Variants in IMMP2L observed in about 807,000 individuals in gnomAD.
IMMP2L encodes the protein inner mitochondrial membrane peptidase subunit 2, also known as mitochondrial inner membrane protease subunit 2.
IMMP2L carries 18 observed loss-of-function variants against 19.3 expected under a neutral mutation model. The ratio of observed to expected loss-of-function variants is 0.93; its 90% CI spans 0.64 to 1.38. IMMP2L has a LOEUF of 1.38. Among genes scored for constraint, IMMP2L ranks in the 40% most tolerant of loss-of-function variants. IMMP2L has a pLI of 0.00. For synonymous variants in IMMP2L, 76 were observed against 73.0 expected, an observed-to-expected ratio of 1.04 and a Z score of -0.21; for missense variants, 233 against 218.2, an observed-to-expected ratio of 1.07 and a Z score of -0.43.
intron 3 of IMMP2L, among the ~76,000 whole-genome samples, chr7:111,317,792 T>C (rs1584597655): frequency 6.6e-6 from 1 of 152,192 alleles, no homozygotes; most frequent in African/African-American, 2.4e-5. Flanking sequence ...TTTAAACATA[T>C]TAATAATAAG....
chr7:111,005,649 C>G (rs531014533), intron 3 of IMMP2L, among the ~76,000 whole-genome samples: 1 of 152,228 alleles, frequency 6.6e-6, no homozygotes, highest in South Asian at 2.1e-4. Context: ...CATAAACGAC[C>G]AAGATTAGTT....
intron 3 of IMMP2L, among the ~76,000 whole-genome samples, chr7:111,295,425 T>C (rs1200140527): frequency 6.6e-6 from 1 of 151,890 alleles, no homozygotes; most frequent in African/African-American, 2.4e-5. Flanking sequence ...ACACATAGAC[T>C]GTATACTCAT....
At chr7:111,139,252 A>T (rs1802643234) in intron 3 of IMMP2L, among the ~76,000 whole-genome samples, 1 of 152,166 alleles carries the variant, frequency 6.6e-6, no homozygotes, top group South Asian at 2.1e-4. Context: ...TTACAGTGGC[A>T]CTATTACCCA....
chr7:111,270,049 ATGTGTGTCTG>A (rs1562989483), intron 3 of IMMP2L, among the ~76,000 whole-genome samples: 1 of 132,882 alleles, frequency 7.5e-6, no homozygotes, highest in Non-Finnish European at 1.6e-5. Flanking sequence ...GTGTGCATGC[ATGTGTGTCTG>A]TGTGTGTGTG....
chr7:110,906,072 C>T (rs936378021), intron 4 of IMMP2L, among the ~76,000 whole-genome samples: 5 of 152,230 alleles, frequency 3.3e-5, no homozygotes, highest in Middle Eastern at 3.4e-3. Context: ...TAGATTTTTA[C>T]AAATTTTTCC....
chr7:111,082,536 C>G (rs1396715976), intron 3 of IMMP2L, among the ~76,000 whole-genome samples: 1 of 152,156 alleles, frequency 6.6e-6, no homozygotes, highest in Non-Finnish European at 1.5e-5. Context: ...AATGAGACAT[C>G]TATTCAGAGA....
chr7:110,876,926 A>C (rs1809137110), intron 5 of IMMP2L, among the ~76,000 whole-genome samples: 1 of 152,184 alleles, frequency 6.6e-6, no homozygotes, highest in South Asian at 2.1e-4. Context: ...GCCAGACATA[A>C]TCAGTCCTAA....
chr7:111,161,733 A>G (rs1455661621), intron 3 of IMMP2L, among the ~76,000 whole-genome samples: 5 of 151,992 alleles, frequency 3.3e-5, no homozygotes, highest in African/African-American at 4.8e-5. Context: ...TTAAATACCA[A>G]TTTGCTCAAA....
rs535227033 is a variant in IMMP2L, at chr7:110,738,217, G to A, written c.409-74496C>T. On this transcript the variant is annotated intron_variant, in intron 5 of 5. Coordinates refer to ENST00000405709, the MANE Select transcript of IMMP2L (RefSeq NM_032549.4). Reference sequence around the variant, plus strand: ...GATACAAACCAAGACAAAAATCTCCGAATTGTTAGAAAAAGAATTCAAAAG... The same window carrying A: ...GATACAAACCAAGACAAAAATCTCCAAATTGTTAGAAAAAGAATTCAAAAG... 7.2e-5 allele frequency among the ~76,000 whole-genome samples: 11 copies of A among 152,244 alleles called. No individual in the cohort carries two copies. In the South Asian group the frequency reaches 1.7e-3, roughly 23 times the overall value.
intron 3 of IMMP2L, among the ~76,000 whole-genome samples, chr7:111,085,601 CAT>C (rs1467524014): frequency 6.6e-6 from 1 of 152,164 alleles, no homozygotes; most frequent in African/African-American, 2.4e-5. Flanking sequence ...CTATTTTTCA[CAT>C]GATTGTTGGC....
chr7:110,849,981 A>T (rs1444994268), intron 5 of IMMP2L, among the ~76,000 whole-genome samples: 1 of 152,038 alleles, frequency 6.6e-6, no homozygotes, highest in Admixed American at 6.6e-5. Context: ...ATTTAGAAAA[A>T]TATTTTCTTA....
At chr7:111,333,792 G>T (rs780021565) in intron 3 of IMMP2L, among the ~76,000 whole-genome samples, 7 of 152,046 alleles carry the variant, frequency 4.6e-5, no homozygotes, top group Non-Finnish European at 8.8e-5. Context: ...TTGAACATTG[G>T]ACTCCAAGTT....
intron 1 of IMMP2L, among the ~76,000 whole-genome samples, chr7:111,559,804 G>A (rs977808444): frequency 6.6e-6 from 1 of 151,910 alleles, no homozygotes; most frequent in Non-Finnish European, 1.5e-5. Context: ...TGATGGATAA[G>A]AAATCAAGCA....
At chr7:110,737,874 C>T (rs901528022) in intron 5 of IMMP2L, among the ~76,000 whole-genome samples, 18 of 152,198 alleles carry the variant, frequency 1.2e-4, no homozygotes, top group African/African-American at 4.3e-4. Context: ...AGACAGATTA[C>T]ATCACAGGAG....
chr7:110,799,933 G>A (rs1038486987), intron 5 of IMMP2L, among the ~76,000 whole-genome samples: 31 of 151,958 alleles, frequency 2.0e-4, no homozygotes, highest in African/African-American at 7.2e-4. Context: ...TGACAATGAG[G>A]GTGAATTCTG....
At chr7:111,171,925 GT>G (rs901470069) in intron 3 of IMMP2L, among the ~76,000 whole-genome samples, 1 of 150,930 alleles carries the variant, frequency 6.6e-6, no homozygotes, top group African/African-American at 2.4e-5. Flanking sequence ...GTGGTTAGGG[GT>G]GAAGAAAGGA....
rs369753411 is a variant in IMMP2L at position 111,535,922 on chromosome 7, A to C, written c.-2-14473T>G. Among the ~76,000 whole-genome samples the C allele has an allele frequency of 5.6e-4, 85 of 152,254 alleles. 2 individuals carry two copies. Among genetic ancestry groups the C allele is most frequent in the African/African-American group, 1.9e-3 (79 of 41,544 alleles). On this transcript the variant is annotated intron_variant, in intron 1 of 5. Transcript: ENST00000405709. ...CATTCCCTACTCCAAAGAATCAGCA[A>C]TCTTCAGAGTAAAGGTTGATTCTGG... is the stretch of plus-strand genomic sequence containing the variant.
At chr7:111,380,305 T>G (rs1006220521) in intron 3 of IMMP2L, among the ~76,000 whole-genome samples, 2 of 151,988 alleles carry the variant, frequency 1.3e-5, no homozygotes, top group African/African-American at 4.8e-5. Flanking sequence ...AAATAGATTA[T>G]ATATTCATTG....
intron 3 of IMMP2L, among the ~76,000 whole-genome samples, chr7:111,273,044 G>A (rs2130345430): frequency 6.6e-6 from 1 of 152,178 alleles, no homozygotes; most frequent in Non-Finnish European, 1.5e-5. Flanking sequence ...TTGGAAGGTG[G>A]AGGCGGGCAA....
Sources: allele counts gnomAD v4.1 joint callset (sites outside exome capture counted in the v4.1 genomes callset), GRCh38; gene constraint gnomAD v4.1.1; transcripts MANE v1.5; gene names NCBI Gene and HGNC (gene_info 2026-07-23, HGNC 2026-07-21).